The following TENT4A variants were observed in gnomAD, a reference collection of about 807,000 sequenced individuals.
TENT4A encodes the protein terminal nucleotidyltransferase 4A.
TENT4A carries 7 observed loss-of-function variants against 72.8 expected under a neutral mutation model. The observed-to-expected ratio is 0.10, with a 90% confidence interval of 0.05 to 0.18. The LOEUF (loss-of-function observed/expected upper bound fraction) is 0.18. TENT4A is among the 10% of genes least tolerant of loss of function. TENT4A has a pLI of 1.00. For missense variants in TENT4A, 831 were observed against 1,017.7 expected, an observed-to-expected ratio of 0.82 and a Z score of 2.50; for synonymous variants, 456 against 434.3, an observed-to-expected ratio of 1.05 and a Z score of -0.62.
rs274675 is a variant in TENT4A at position 6,755,206 on chromosome 5, C to T, written c.*261C>T. On this transcript the variant is annotated 3_prime_UTR_variant, in exon 13 of 13. Transcript: ENST00000230859. ...TTCTTCCTTCAGTGCTGAGGCAGGTCGGGCTCAGGAACTGCAGGGACGTGA... is the reference window on the plus strand; with the variant it reads ...TTCTTCCTTCAGTGCTGAGGCAGGTTGGGCTCAGGAACTGCAGGGACGTGA... The T allele has an allele frequency of 0.33, 117,659 of 356,772 alleles. 19,545 individuals carry two copies. The highest frequency in any genetic ancestry group is 0.4 in the East Asian group (9,248 of 23,036). 22.1% of individuals were successfully genotyped at this position (356,772 alleles called of 1,614,324 possible).
intron 1 of TENT4A, among the ~76,000 whole-genome samples, chr5:6,726,878 C>CGTG (rs1173554144): frequency 6.6e-6 from 1 of 152,116 alleles, no homozygotes; most frequent in East Asian, 1.9e-4. Context: ...TCGGCCTTAG[C>CGTG]GTGGCGGGGG....
chr5:6,741,403 TGAGTGTGTGCAA>T (rs1399902540), intron 4 of TENT4A, among the ~76,000 whole-genome samples: 2 of 151,938 alleles, frequency 1.3e-5, no homozygotes, highest in East Asian at 3.9e-4. Context: ...CTGCCGTGAG[TGAGTGTGTGCAA>T]GAGTAGGGCA....
At chr5:6,715,587 C>G (rs906232151) in intron 1 of TENT4A, among the ~76,000 whole-genome samples, 2 of 152,116 alleles carry the variant, frequency 1.3e-5, no homozygotes, top group African/African-American at 4.8e-5. Context: ...CAATTTTTCC[C>G]CCCAATTTAA....
chr5:6,750,303 T>C, intron 9 of TENT4A, 28 bp from the exon 10 acceptor site: 1 of 1,589,188 alleles, frequency 6.3e-7, no homozygotes, highest in Admixed American at 1.8e-5. Flanking sequence ...TCTCAGGAGT[T>C]ATTAACCAAG....
chr5:6,730,502 C>G (rs970886977), intron 1 of TENT4A, among the ~76,000 whole-genome samples: 2 of 152,212 alleles, frequency 1.3e-5, no homozygotes, highest in East Asian at 1.9e-4. Flanking sequence ...CCCTCCTCCT[C>G]TGTCGGTAGC....
intron 7 of TENT4A, among the ~76,000 whole-genome samples, chr5:6,747,290 G>T (rs1002769026): frequency 1.3e-5 from 2 of 152,144 alleles, no homozygotes; most frequent in East Asian, 3.9e-4. Flanking sequence ...TGTGCTGTCC[G>T]CCCGGTTGCT....
intron 11 of TENT4A, 148 bp from the exon 12 acceptor site, chr5:6,752,725 T>C: frequency 1.6e-6 from 1 of 610,082 alleles, no homozygotes; most frequent in Non-Finnish European, 2.9e-6. Flanking sequence ...CACAATATTG[T>C]TAGGTAATAG....
rs1740247315 is a variant in TENT4A, at chr5:6,714,315, C to T, written c.332C>T (p.Ser111Leu). 1 of 1,112,542 alleles carries T rather than the reference C, an allele frequency of 9.0e-7. No homozygotes were observed. Among genetic ancestry groups the T allele is most frequent in the Non-Finnish European group, 1.1e-6 (1 of 912,512 alleles). 68.9% of individuals were successfully genotyped at this position (1,112,542 alleles called of 1,614,324 possible). A position where few individuals can be genotyped will look rare whatever the true frequency, so the allele number is the denominator to read the frequency against. ...RLHKSPSLSS[S>L]SSSSSSNAES... The stretch of plus-strand genomic sequence containing the variant: ...CACAAGTCGCCGTCGCTGTCGTCCT[C>T]GTCGTCGTCCTCCTCGTCCAACGCG... Residue 111 changes from serine to leucine, a missense_variant, in exon 1 of 13, where the codon TCG (serine) becomes TTG (leucine). Physicochemically the swap from Ser to Leu is moderately radical, Grantham distance 145. Coordinates refer to ENST00000230859, the MANE Select transcript of TENT4A (RefSeq NM_006999.6).
intron 1 of TENT4A, 34 bp from the exon 2 acceptor site, chr5:6,737,476 G>A (rs1001065733): frequency 6.4e-7 from 1 of 1,566,858 alleles, no homozygotes; most frequent in African/African-American, 1.4e-5. Flanking sequence ...ACATTTCATT[G>A]TAACTCTAGT....
intron 2 of TENT4A, among the ~76,000 whole-genome samples, chr5:6,737,869 G>A (rs917063830): frequency 4.0e-5 from 6 of 151,060 alleles, no homozygotes; most frequent in Admixed American, 6.6e-5. Flanking sequence ...ATGCTGGCGC[G>A]CACTCAAGTG....
chr5:6,726,631 C>A (rs1740937137), intron 1 of TENT4A, among the ~76,000 whole-genome samples: 1 of 152,136 alleles, frequency 6.6e-6, no homozygotes, highest in Admixed American at 6.5e-5. Flanking sequence ...TGATTGGGAG[C>A]ACTCTCCTTG....
At position 6,714,584 on chromosome 5, in the gene TENT4A, T is replaced by C; in HGVS notation, c.601T>C (p.Tyr201His). 8.4e-7 allele frequency: 1 copy of C among 1,195,914 alleles called. No individual in the cohort carries two copies. The highest frequency in any genetic ancestry group is 1.0e-6 in the Non-Finnish European group (1 of 964,816). The allele number at this position is 1,195,914 out of a possible 1,614,324, so 74.1% of individuals were successfully genotyped here. Residue 201 changes from tyrosine to histidine, a missense_variant, in exon 1 of 13, where the codon TAC becomes CAC. This residue lies in a region of TENT4A where 302 missense variants were observed against 293.8 expected (regional missense o/e 1.03). Coordinates refer to ENST00000230859, the MANE Select transcript of TENT4A (RefSeq NM_006999.6). ...ENKASTYGLN[Y>H]LLSGSRAAAL... ...CAAGGCCAGCACCTACGGCCTCAAC[T>C]ACCTGCTGTCCGGCAGCCGCGCGGC...
intron 6 of TENT4A, among the ~76,000 whole-genome samples, chr5:6,744,565 C>T (rs1741982914): frequency 6.6e-6 from 1 of 152,120 alleles, no homozygotes; most frequent in Non-Finnish European, 1.5e-5. Context: ...CTGAGATTAC[C>T]GAATCTGTCC....
chr5:6,718,083 G>A (rs969048275), intron 1 of TENT4A, among the ~76,000 whole-genome samples: 9 of 152,208 alleles, frequency 5.9e-5, no homozygotes, highest in African/African-American at 2.2e-4. Flanking sequence ...GCAGGTGTAT[G>A]CAGCTTCCTC....
chr5:6,753,067 C>T (rs1189648863), intron 12 of TENT4A, 30 bp downstream of exon 12: 2 of 1,562,040 alleles, frequency 1.3e-6, no homozygotes, highest in African/African-American at 1.3e-5. Flanking sequence ...CATTCACCTA[C>T]CTGTTCAAGC....
At chr5:6,741,626 G>A (rs1206999504) in intron 4 of TENT4A, among the ~76,000 whole-genome samples, 4 of 152,216 alleles carry the variant, frequency 2.6e-5, no homozygotes, top group Admixed American at 6.5e-5. Flanking sequence ...CCTGGTGGTC[G>A]CAGTGGTGTC....
At chr5:6,724,214 C>G (rs1219696989) in intron 1 of TENT4A, among the ~76,000 whole-genome samples, 1 of 152,216 alleles carries the variant, frequency 6.6e-6, no homozygotes, top group Non-Finnish European at 1.5e-5. Context: ...CCCACCTCCC[C>G]CACAGAGAGG....
chr5:6,731,812 A>G (rs1475883064), intron 1 of TENT4A, among the ~76,000 whole-genome samples: 2 of 152,184 alleles, frequency 1.3e-5, no homozygotes, highest in Non-Finnish European at 2.9e-5. Flanking sequence ...CACTTTGCTT[A>G]AAAGAAGCTA....
Position 6,746,553 on chromosome 5 carries a change from A to C in TENT4A, c.1459+126A>C, listed in dbSNP as rs1237534331. 2.5e-5 allele frequency: 18 copies of C among 722,522 alleles called. No individual in the cohort carries two copies. In the Admixed American group the frequency reaches 3.6e-4, roughly 14 times the overall value. 44.8% of individuals were successfully genotyped at this position (722,522 alleles called of 1,614,324 possible). A position where few individuals can be genotyped will look rare whatever the true frequency, so the allele number is the denominator to read the frequency against. ...TTTGCTCTTGATGCAGGTTTCTCTT[A>C]TACTAACCAGTTAATAATCACACTT... On this transcript the variant is annotated intron_variant, in intron 7 of 12. Coordinates refer to ENST00000230859, the MANE Select transcript of TENT4A (RefSeq NM_006999.6).
Sources: gnomAD v4.1 joint callset for allele counts (sites outside exome capture counted in the v4.1 genomes callset) on GRCh38, gnomAD v4.1.1 for gene constraint, gnomAD v4.1.1 regional missense constraint, MANE v1.5 for transcripts, NCBI Gene and HGNC (gene_info 2026-07-23, HGNC 2026-07-21) for gene names.